Variants in VPS13B observed in about 807,000 individuals in gnomAD.
VPS13B encodes the protein vacuolar protein sorting 13 homolog B.
VPS13B carries 285 observed loss-of-function variants against 426.4 expected under a neutral mutation model. The ratio of observed to expected loss-of-function variants is 0.67; its 90% CI spans 0.61 to 0.74. The LOEUF (loss-of-function observed/expected upper bound fraction) is 0.74. VPS13B is among the 30% of genes least tolerant of loss of function. VPS13B has a pLI of 0.00. For synonymous variants in VPS13B, 1,676 were observed against 1,676.4 expected (o/e 1.00, Z 0.01); for missense variants, 4,537 against 4,782.6 (o/e 0.95, Z 1.51).
intron 3 of VPS13B, among the ~76,000 whole-genome samples, chr8:99,066,109 T>A (rs1356342297): frequency 3.3e-5 from 5 of 152,246 alleles, no homozygotes; most frequent in African/African-American, 1.2e-4. Flanking sequence ...GCCATCCCCA[T>A]GAAGCTACCA....
At chr8:99,783,014 T>G (rs900357796) in intron 42 of VPS13B, among the ~76,000 whole-genome samples, 35 of 152,104 alleles carry the variant, frequency 2.3e-4, no homozygotes, top group African/African-American at 8.2e-4. Flanking sequence ...ATAAGGTATG[T>G]CAGGGCCACT....
At chr8:99,515,381 C>CT (rs1474041001) in intron 29 of VPS13B, among the ~76,000 whole-genome samples, 1 of 151,856 alleles carries the variant, frequency 6.6e-6, no homozygotes, top group Non-Finnish European at 1.5e-5. Context: ...GCTGCTGCTG[C>CT]TGCTGCTGCT....
At chr8:99,174,666 CT>C (rs1458690157) in intron 16 of VPS13B, among the ~76,000 whole-genome samples, 2 of 152,070 alleles carry the variant, frequency 1.3e-5, no homozygotes, top group Non-Finnish European at 2.9e-5. Flanking sequence ...AAATTAATCC[CT>C]TATCAGATAT....
chr8:99,193,227 T>C (rs1276525635), intron 17 of VPS13B, among the ~76,000 whole-genome samples, 170 bp downstream of exon 17: 1 of 152,180 alleles, frequency 6.6e-6, no homozygotes, highest in Non-Finnish European at 1.5e-5. Flanking sequence ...AGTTAAGCCA[T>C]CCAGTTTTAT....
At chr8:99,368,761 A>G (rs1455195614) in intron 19 of VPS13B, among the ~76,000 whole-genome samples, 2 of 152,130 alleles carry the variant, frequency 1.3e-5, no homozygotes, top group Admixed American at 6.5e-5. Flanking sequence ...TTTTCCTTAA[A>G]TGCACACTTG....
intron 34 of VPS13B, among the ~76,000 whole-genome samples, chr8:99,650,027 C>T (rs1292355712): frequency 6.6e-6 from 1 of 152,130 alleles, no homozygotes; most frequent in Non-Finnish European, 1.5e-5. Flanking sequence ...TTGTAAGCAG[C>T]ATGAGAGTTA....
chr8:99,623,892 T>C (rs990713834), intron 33 of VPS13B, among the ~76,000 whole-genome samples: 1 of 151,570 alleles, frequency 6.6e-6, no homozygotes, highest in Non-Finnish European at 1.5e-5. Flanking sequence ...TCATTTATCA[T>C]CATAAGAACA....
chr8:99,536,546 T>C (rs1823232598), intron 30 of VPS13B: 1 of 441,266 alleles, frequency 2.3e-6, no homozygotes, highest in African/African-American at 2.0e-5. Context: ...CATATGTGTG[T>C]GGCATTTGTA....
chr8:99,863,732 A>G (rs1255841296), intron 58 of VPS13B, among the ~76,000 whole-genome samples: 3 of 152,084 alleles, frequency 2.0e-5, no homozygotes, highest in African/African-American at 7.2e-5. Context: ...TAATGCTCTG[A>G]TCTTTGGTGT....
At chr8:99,826,537 C>A (rs182844574) in intron 51 of VPS13B, among the ~76,000 whole-genome samples, 1 of 152,110 alleles carries the variant, frequency 6.6e-6, no homozygotes, top group Non-Finnish European at 1.5e-5. Flanking sequence ...TGACTTCCTC[C>A]CTTCCTATTT....
chr8:99,821,538 T>C, intron 50 of VPS13B, 56 bp downstream of exon 50: 1 of 1,602,968 alleles, frequency 6.2e-7, no homozygotes, highest in African/African-American at 1.3e-5. Flanking sequence ...CCTTAACCTG[T>C]CTAAAATGAA....
At chr8:99,178,781 C>G (rs1812780702) in intron 16 of VPS13B, among the ~76,000 whole-genome samples, 1 of 151,914 alleles carries the variant, frequency 6.6e-6, no homozygotes, top group African/African-American at 2.4e-5. Context: ...GCCATGACAC[C>G]TGGCTAATTT....
intron 16 of VPS13B, among the ~76,000 whole-genome samples, chr8:99,187,087 G>T (rs1255013807): frequency 6.6e-6 from 1 of 152,090 alleles, no homozygotes; most frequent in Non-Finnish European, 1.5e-5. Flanking sequence ...CTTGCTACAC[G>T]ATAGGACCTC....
At chr8:99,076,887 T>C (rs1845155534) in intron 3 of VPS13B, among the ~76,000 whole-genome samples, 1 of 152,270 alleles carries the variant, frequency 6.6e-6, no homozygotes, top group African/African-American at 2.4e-5. Flanking sequence ...TGAGGACTTA[T>C]TTCTGTCATT....
At chr8:99,700,890 T>C (rs1422488206) in intron 36 of VPS13B, among the ~76,000 whole-genome samples, 3 of 152,136 alleles carry the variant, frequency 2.0e-5, no homozygotes, top group Non-Finnish European at 4.4e-5. Context: ...AACCATGTAT[T>C]TTCCCTCTTT....
chr8:99,028,695 C>T (rs1266443567), intron 2 of VPS13B, among the ~76,000 whole-genome samples: 6 of 129,108 alleles, frequency 4.6e-5, no homozygotes, highest in African/African-American at 1.5e-4. Flanking sequence ...CCCTCCCGGA[C>T]GGGGCGGCTG....
intron 17 of VPS13B, among the ~76,000 whole-genome samples, chr8:99,203,456 A>G (rs1264875739): frequency 6.6e-6 from 1 of 152,204 alleles, no homozygotes. Flanking sequence ...CTGGCACAAG[A>G]CAAGTATGCC....
At chr8:99,627,618 A>C (rs1421899717) in intron 33 of VPS13B, among the ~76,000 whole-genome samples, 2 of 152,114 alleles carry the variant, frequency 1.3e-5, no homozygotes, top group Non-Finnish European at 2.9e-5. Flanking sequence ...TCCTGACCTC[A>C]TGTGATCTGC....
chr8:99,481,715 T>C lies in VPS13B; in HGVS notation c.3783T>C (p.Pro1261=). The change falls in exon 25 of 62, where the codon CCT becomes CCC. Residue 1261 remains proline, a synonymous_variant. Coordinates refer to ENST00000357162, the MANE Select transcript of VPS13B (RefSeq NM_152564.5). ...TSPETMAGPV[P]TSPVRSSIGT... Reference sequence around the variant, plus strand: ...CAGAGACCATGGCAGGGCCTGTTCCTACTTCTCCAGTTAGAAGCAGTATAG... The same window carrying C: ...CAGAGACCATGGCAGGGCCTGTTCCCACTTCTCCAGTTAGAAGCAGTATAG... 1 of 1,614,074 alleles carries C rather than the reference T, an allele frequency of 6.2e-7. No individual in the cohort carries two copies. The highest frequency in any genetic ancestry group is 8.5e-7 in the Non-Finnish European group (1 of 1,179,926).
Sources: allele counts gnomAD v4.1 joint callset (sites outside exome capture counted in the v4.1 genomes callset), GRCh38; gene constraint gnomAD v4.1.1; transcripts MANE v1.5; gene names NCBI Gene and HGNC (gene_info 2026-07-23, HGNC 2026-07-21).